CBR3: variants seen among roughly 807,000 people sequenced by gnomAD.
The protein encoded by CBR3 is carbonyl reductase 3, also known as carbonyl reductase [NADPH] 3.
A neutral mutation model predicts 11.6 loss-of-function variants in CBR3; 14 were observed. The observed-to-expected ratio is 1.20, with a 90% CI of 0.79 to 1.88. The LOEUF (loss-of-function observed/expected upper bound fraction) is 1.88, where lower values mean the gene tolerates loss of function less well. Among genes scored for constraint, CBR3 ranks in the 40% most tolerant of loss-of-function variants. CBR3 has a pLI of 0.00. For synonymous variants in CBR3, 125 were observed against 145.6 expected, an observed-to-expected ratio of 0.86 and a Z score of 1.02; for missense variants, 308 against 357.3, an observed-to-expected ratio of 0.86 and a Z score of 1.11.
chr21:36,146,103 A>G lies in CBR3; in HGVS notation c.425A>G (p.Gln142Arg). The part of the protein sequence containing the change: ...HGRVVNISSL[Q>R]CLRAFENCSE... ...AGAGTGGTGAATATCAGTAGTTTGC[A>G]GTGTTTAAGGGCTTTTGAAAACTGC... Residue 142 changes from glutamine (Q) to arginine (R), a missense_variant, in exon 3 of 3, where the codon CAG becomes CGG. Gln to Arg is a conservative substitution (Grantham distance 43, BLOSUM62 1). Coordinates refer to ENST00000290354, the MANE Select transcript of CBR3 (RefSeq NM_001236.4). 1 of 1,613,184 alleles carries G rather than the reference A, an allele frequency of 6.2e-7. No homozygotes were observed. Among genetic ancestry groups the G allele is most frequent in the Admixed American group, 1.7e-5 (1 of 59,950 alleles).
intron 1 of CBR3, among the ~76,000 whole-genome samples, chr21:36,135,755 G>C (rs1048706863): frequency 1.3e-5 from 2 of 152,248 alleles, no homozygotes; most frequent in South Asian, 4.1e-4. Context: ...AGCCGCTGTT[G>C]TGTGCAGGAA....
chr21:36,135,595 CT>C, intron 1 of CBR3, 114 bp downstream of exon 1: 2 of 1,007,050 alleles, frequency 2.0e-6, no homozygotes, highest in South Asian at 1.8e-5. Context: ...GCGCCGACCC[CT>C]AGGGATGCGC....
chr21:36,146,471 C>T lies in CBR3; in HGVS notation c.793C>T (p.Gln265Ter), dbSNP rs2123356028. 1 of 1,612,434 alleles carries T rather than the reference C, an allele frequency of 6.2e-7. No individual in the cohort carries two copies. Among genetic ancestry groups the T allele is most frequent in the Non-Finnish European group, 8.5e-7 (1 of 1,178,782 alleles). ...ALLPPDATEP[Q>*]GQLVHDKVVQ... Reference sequence around the variant, plus strand: ...CTTGCCTCCAGATGCCACTGAGCCACAAGGCCAGTTGGTCCATGACAAAGT... The same window carrying T: ...CTTGCCTCCAGATGCCACTGAGCCATAAGGCCAGTTGGTCCATGACAAAGT... The change falls in exon 3 of 3, where the codon CAA becomes TAA. Residue 265 changes from glutamine to a stop codon, truncating the protein, a stop_gained. Coordinates refer to ENST00000290354, the MANE Select transcript of CBR3 (RefSeq NM_001236.4). LOFTEE classifies it high-confidence loss of function.
Position 36,135,249 on chromosome 21 carries a change from G to A in CBR3, c.57G>A (p.Leu19=), listed in dbSNP as rs200563007. ...LVTGANRGIG[L]AIARELCRQF... Reference sequence around the variant, plus strand: ...CCGGGGCCAACAGGGGCATCGGCTTGGCCATCGCGCGCGAACTGTGCCGAC... The same window carrying A: ...CCGGGGCCAACAGGGGCATCGGCTTAGCCATCGCGCGCGAACTGTGCCGAC... The change falls in exon 1 of 3, where the codon TTG becomes TTA. Residue 19 remains leucine (L), a synonymous_variant. Transcript: ENST00000290354. 1.3e-6 allele frequency: 2 copies of A among 1,571,880 alleles called. No individual in the cohort carries two copies. Among genetic ancestry groups the A allele is most frequent in the South Asian group, 1.2e-5 (1 of 86,288 alleles).
chr21:36,145,326 T>A (rs985836841), intron 2 of CBR3, among the ~76,000 whole-genome samples: 2 of 152,188 alleles, frequency 1.3e-5, no homozygotes, highest in Non-Finnish European at 2.9e-5. Flanking sequence ...AATCTTTTTT[T>A]AAATTTGATT....
At chr21:36,136,464 G>A (rs1035648546) in intron 1 of CBR3, among the ~76,000 whole-genome samples, 6 of 152,296 alleles carry the variant, frequency 3.9e-5, no homozygotes, top group African/African-American at 1.4e-4. Context: ...TGTTGTGCAT[G>A]GGGACCTGAG....
chr21:36,144,007 G>T (rs563075918), intron 2 of CBR3, among the ~76,000 whole-genome samples: 31 of 152,248 alleles, frequency 2.0e-4, no homozygotes, highest in African/African-American at 7.2e-4. Flanking sequence ...TGCTGGTTGT[G>T]GCACTAAGGA....
intron 2 of CBR3, among the ~76,000 whole-genome samples, chr21:36,142,811 A>C (rs1292916607): frequency 1.3e-5 from 2 of 152,196 alleles, no homozygotes; most frequent in Non-Finnish European, 2.9e-5. Context: ...AGAAATACAT[A>C]CATACACTTC....
At chr21:36,139,556 A>G (rs981699984) in intron 2 of CBR3, among the ~76,000 whole-genome samples, 8 of 151,632 alleles carry the variant, frequency 5.3e-5, no homozygotes, top group African/African-American at 1.7e-4. Flanking sequence ...TAATTTTTAT[A>G]TTTTTAGTAG....
At chr21:36,142,431 C>CAAAAAAAAAAAAAGAAAAAAAA (rs1555883285) in intron 2 of CBR3, among the ~76,000 whole-genome samples, 1 of 40,396 alleles carries the variant, frequency 2.5e-5, no homozygotes, top group African/African-American at 1.1e-4. Flanking sequence ...GACTCCATCT[C>CAAAAAAAAAAAAAGAAAAAAAA]AAAAAAAAAA....
intron 2 of CBR3, chr21:36,142,016 C>A: frequency 1.8e-6 from 1 of 551,440 alleles, no homozygotes. Context: ...TGATGTGACT[C>A]TCCTCATGAG....
At chr21:36,137,783 G>A (rs773591757) in intron 1 of CBR3, 42 bp from the exon 2 acceptor site, 90 of 1,174,522 alleles carry the variant, frequency 7.7e-5, no homozygotes, top group Non-Finnish European at 1.1e-4. Context: ...GTTTCAGGGG[G>A]AAAAATATGA....
chr21:36,136,362 C>T (rs1336120628), intron 1 of CBR3, among the ~76,000 whole-genome samples: 1 of 151,416 alleles, frequency 6.6e-6, no homozygotes, highest in Non-Finnish European at 1.5e-5. Context: ...TCACCTCCAA[C>T]CTAGTGGGGA....
At chr21:36,139,386 T>C (rs1341558762) in intron 2 of CBR3, among the ~76,000 whole-genome samples, 6 of 146,474 alleles carry the variant, frequency 4.1e-5, no homozygotes, top group East Asian at 2.0e-4. Context: ...CTTTTTCTTT[T>C]TTTTTTTTTT....
intron 2 of CBR3, among the ~76,000 whole-genome samples, chr21:36,145,874 T>C (rs1436585374): frequency 6.6e-6 from 1 of 151,444 alleles, no homozygotes; most frequent in Non-Finnish European, 1.5e-5. Flanking sequence ...GGCAGGAGAA[T>C]TGCTTGAACC....
intron 2 of CBR3, among the ~76,000 whole-genome samples, chr21:36,142,554 A>T (rs1480122024): frequency 1.3e-5 from 2 of 152,138 alleles, no homozygotes; most frequent in Non-Finnish European, 2.9e-5. Flanking sequence ...TGTATTTTAG[A>T]TAATAGTGTT....
At position 36,146,300 on chromosome 21, in the gene CBR3, C is replaced by G; in HGVS notation, c.622C>G (p.Leu208Val). 1 of 1,614,186 alleles carries G rather than the reference C, an allele frequency of 6.2e-7. No individual in the cohort carries two copies. The highest frequency in any genetic ancestry group is 8.5e-7 in the Non-Finnish European group (1 of 1,180,048). The change falls in exon 3 of 3, where the codon CTG becomes GTG. Residue 208 changes from leucine to valine, a missense_variant. Coordinates refer to ENST00000290354, the MANE Select transcript of CBR3 (RefSeq NM_001236.4). ...GGGGGTCACGGTCTTATCGAGGATC[C>G]TGGCCAGGCGTCTGGATGAGAAGAG... is the stretch of plus-strand genomic sequence containing the variant. ...KLGVTVLSRI[L>V]ARRLDEKRKA...
chr21:36,141,754 C>A lies in CBR3; in HGVS notation c.397+3822C>A, dbSNP rs73902172. 601 of 174,308 alleles carry A rather than the reference C, an allele frequency of 3.4e-3. 2 individuals carry two copies. Among genetic ancestry groups the A allele is most frequent in the African/African-American group, 0.013 (562 of 41,938 alleles). The allele number at this position is 174,308 out of a possible 1,614,324, so 10.8% of individuals were successfully genotyped here. The stretch of plus-strand genomic sequence containing the variant: ...GCAGCCCTTCCCAGGGCTGATGACG[C>A]ATCTGGCTGACGAGGCTGACTGTCA... On this transcript the variant is annotated intron_variant, in intron 2 of 2. Transcript: ENST00000290354.
chr21:36,140,743 C>A (rs929991525), intron 2 of CBR3, among the ~76,000 whole-genome samples: 6 of 152,162 alleles, frequency 3.9e-5, no homozygotes, highest in Non-Finnish European at 5.9e-5. Flanking sequence ...CACAGTGGCT[C>A]ACACCTGTAA....
Sources: gnomAD v4.1 joint callset for allele counts (sites outside exome capture counted in the v4.1 genomes callset) on GRCh38, gnomAD v4.1.1 for gene constraint, MANE v1.5 for transcripts, NCBI Gene and HGNC (gene_info 2026-07-23, HGNC 2026-07-21) for gene names.